The following GFPT2 variants were observed in gnomAD, a reference collection of about 807,000 sequenced individuals.
GFPT2 encodes the protein glutamine--fructose-6-phosphate aminotransferase [isomerizing] 2.
In GFPT2, 62 loss-of-function variants were observed where a neutral mutation model predicts 85.6. That is an observed-to-expected ratio of 0.72 (90% confidence interval 0.59 to 0.90). The LOEUF (loss-of-function observed/expected upper bound fraction) is 0.90. Ranked by LOEUF, GFPT2 falls within the 40% of genes least tolerant of loss-of-function variation. The pLI, the probability that GFPT2 is intolerant of heterozygous loss-of-function variation, is 0.00. For missense variants in GFPT2, 788 were observed against 893.4 expected, an observed-to-expected ratio of 0.88 and a Z score of 1.50; for synonymous variants, 368 against 344.5, an observed-to-expected ratio of 1.07 and a Z score of -0.75.
intron 4 of GFPT2, among the ~76,000 whole-genome samples, chr5:180,333,090 GTATT>G (rs907753543): frequency 3.9e-5 from 6 of 152,050 alleles, no homozygotes; most frequent in South Asian, 2.1e-4. Flanking sequence ...TATTTTTTAT[GTATT>G]TATTTATTTA....
intron 4 of GFPT2, among the ~76,000 whole-genome samples, chr5:180,334,544 C>G (rs1561881489): frequency 6.6e-6 from 1 of 152,236 alleles, no homozygotes; most frequent in African/African-American, 2.4e-5. Context: ...GGCTTAGTGC[C>G]TGCTAATAAG....
chr5:180,338,653 G>C (rs1764450503), intron 1 of GFPT2, 53 bp from the exon 2 acceptor site: 1 of 1,109,906 alleles, frequency 9.0e-7, no homozygotes, highest in Non-Finnish European at 1.4e-6. Context: ...CTCGTGTTTG[G>C]AAGAAAACGC....
At chr5:180,347,679 G>A (rs1764635632) in intron 1 of GFPT2, among the ~76,000 whole-genome samples, 1 of 152,140 alleles carries the variant, frequency 6.6e-6, no homozygotes, top group African/African-American at 2.4e-5. Flanking sequence ...CTGAAGCTCA[G>A]GGTTCAACCC....
At chr5:180,322,295 C>CAA (rs778043318) in intron 9 of GFPT2, among the ~76,000 whole-genome samples, 1 of 131,138 alleles carries the variant, frequency 7.6e-6, no homozygotes. Flanking sequence ...GACCCTGTCT[C>CAA]AAAAAAAAAA....
At chr5:180,310,759 A>G (rs893316191) in intron 15 of GFPT2, among the ~76,000 whole-genome samples, 5 of 147,880 alleles carry the variant, frequency 3.4e-5, no homozygotes, top group Non-Finnish European at 5.9e-5. Context: ...TGAAGGACAC[A>G]ATGACCAGTA....
chr5:180,344,838 C>T (rs1764577358), intron 1 of GFPT2, among the ~76,000 whole-genome samples: 2 of 152,312 alleles, frequency 1.3e-5, no homozygotes, highest in East Asian at 3.9e-4. Flanking sequence ...GTTCCACTCC[C>T]CTGGAAGAGC....
At chr5:180,301,768 G>A (rs1233404811) in intron 18 of GFPT2, among the ~76,000 whole-genome samples, 160 bp from the exon 19 acceptor site, 4 of 152,050 alleles carry the variant, frequency 2.6e-5, no homozygotes, top group Non-Finnish European at 5.9e-5. Context: ...TAGTCCAGAA[G>A]CCTCATTTAA....
intron 16 of GFPT2, among the ~76,000 whole-genome samples, chr5:180,306,228 G>C (rs1763775943): frequency 1.3e-5 from 2 of 152,056 alleles, no homozygotes; most frequent in African/African-American, 4.8e-5. Flanking sequence ...CAAATGATCT[G>C]ACTGCCTTGG....
At chr5:180,338,706 G>A (rs1191933203) in intron 1 of GFPT2, 106 bp from the exon 2 acceptor site, 2 of 660,934 alleles carry the variant, frequency 3.0e-6, no homozygotes, top group African/African-American at 3.6e-5. Context: ...GGTCTCCCAG[G>A]GGCTTGCAGA....
intron 9 of GFPT2, among the ~76,000 whole-genome samples, chr5:180,320,809 G>C (rs6879034): frequency 0.18 from 27,569 of 152,072 alleles, 3,064 homozygotes; most frequent in Non-Finnish European, 0.25. Context: ...ACCCACACGT[G>C]ACTGCCTGAA....
intron 1 of GFPT2, among the ~76,000 whole-genome samples, chr5:180,351,663 C>T (rs1038613751): frequency 6.6e-6 from 1 of 152,166 alleles, no homozygotes; most frequent in African/African-American, 2.4e-5. Flanking sequence ...GGAGACAACG[C>T]GTGTGTGTCC....
chr5:180,307,528 A>C (rs55848714), intron 15 of GFPT2, among the ~76,000 whole-genome samples: 52,296 of 152,004 alleles, frequency 0.34, 9,704 homozygotes, highest in Non-Finnish European at 0.41. Context: ...TTTCTTGAGC[A>C]CCAACAAGGT....
rs1764165843 is a variant in GFPT2, at chr5:180,323,958, C to G, written c.794+230G>C. On this transcript the variant is annotated intron_variant, in intron 9 of 18. Coordinates refer to ENST00000253778, the MANE Select transcript of GFPT2 (RefSeq NM_005110.4). This position sits in a 1 kb window ranked among gnomAD's most constrained non-coding sequence, Gnocchi z 4.0. ...TTGTGCAGGCTCGAAGCACTGTGCC[C>G]ACCAGTGCATCTGGCCTTTGGCCAC... is the stretch of plus-strand genomic sequence containing the variant. Among the ~76,000 whole-genome samples, 1 of 152,242 alleles carries G rather than the reference C, an allele frequency of 6.6e-6. No individual in the cohort carries two copies. The highest frequency in any genetic ancestry group is 1.9e-4 in the East Asian group (1 of 5,196).
intron 14 of GFPT2, 138 bp from the exon 15 acceptor site, chr5:180,312,682 C>CA (rs1234465510): frequency 5.2e-6 from 3 of 580,998 alleles, no homozygotes; most frequent in Non-Finnish European, 9.3e-6. Context: ...TCAACCTCCT[C>CA]AAGTGATTCT....
At chr5:180,332,243 G>T (rs1342391193) in intron 4 of GFPT2, among the ~76,000 whole-genome samples, 1 of 149,266 alleles carries the variant, frequency 6.7e-6, no homozygotes, top group Non-Finnish European at 1.5e-5. Flanking sequence ...GGTGGCGGGG[G>T]GGCGGGGGGA....
At chr5:180,313,344 C>T (rs1362456989) in intron 14 of GFPT2, among the ~76,000 whole-genome samples, 2 of 151,772 alleles carry the variant, frequency 1.3e-5, no homozygotes, top group African/African-American at 4.8e-5. Context: ...GTAATCCCAG[C>T]ACTTTGGGAG....
chr5:180,327,230 C>T (rs1764224630), intron 7 of GFPT2, among the ~76,000 whole-genome samples: 1 of 152,216 alleles, frequency 6.6e-6, no homozygotes, highest in Non-Finnish European at 1.5e-5. Flanking sequence ...GAGCCGGCCT[C>T]TGTCCGCCTC....
chr5:180,308,228 C>A (rs968637121), intron 15 of GFPT2, among the ~76,000 whole-genome samples: 1 of 151,446 alleles, frequency 6.6e-6, no homozygotes, highest in Admixed American at 6.6e-5. Context: ...GGCACTCCAG[C>A]CTGGGCAACA....
Position 180,301,603 on chromosome 5 carries a change from G to C in GFPT2, c.2010C>G (p.Asp670Glu). 2 of 1,613,308 alleles carry C rather than the reference G, an allele frequency of 1.2e-6. No homozygotes were observed. Among genetic ancestry groups the C allele is most frequent in the Non-Finnish European group, 1.7e-6 (2 of 1,179,218 alleles). ...HLAVLRGYDVDFPRNLAKSVT... is the reference protein window; with the variant it reads ...HLAVLRGYDVEFPRNLAKSVT... ...CAGACTTGGCCAGATTTCTGGGGAA[G>C]TCAACCTAAAATGAAAGAAAGTGAC... Residue 670 changes from aspartate to glutamate, a missense_variant, in exon 19 of 19, where the codon GAC becomes GAG. Physicochemically the swap from Asp to Glu is conservative, Grantham distance 45. Coordinates refer to ENST00000253778, the MANE Select transcript of GFPT2 (RefSeq NM_005110.4).
Sources: allele counts gnomAD v4.1 joint callset (sites outside exome capture counted in the v4.1 genomes callset), GRCh38; gene constraint gnomAD v4.1.1; non-coding constraint Gnocchi (gnomAD v3.1); transcripts MANE v1.5; gene names NCBI Gene and HGNC (gene_info 2026-07-23, HGNC 2026-07-21).